Variants in PIK3CB observed in about 807,000 individuals in gnomAD.
PIK3CB encodes the protein phosphatidylinositol-4,5-bisphosphate 3-kinase catalytic subunit beta, also known as phosphatidylinositol 4,5-bisphosphate 3-kinase catalytic subunit beta isoform.
PIK3CB carries 39 observed loss-of-function variants against 136.8 expected under a neutral mutation model. The ratio of observed to expected loss-of-function variants is 0.29; its 90% CI spans 0.22 to 0.37. The LOEUF (loss-of-function observed/expected upper bound fraction) is 0.37, where lower values mean the gene tolerates loss of function less well. Among genes scored for constraint, PIK3CB ranks in the 10% least tolerant of loss-of-function variants. PIK3CB has a pLI of 1.00. For synonymous variants in PIK3CB, 428 were observed against 436.6 expected (o/e 0.98, Z 0.25); for missense variants, 868 against 1,275.4 (o/e 0.68, Z 4.87).
chr3:138,685,907 C>A (rs1430114944), intron 16 of PIK3CB, among the ~76,000 whole-genome samples: 1 of 152,090 alleles, frequency 6.6e-6, no homozygotes, highest in Non-Finnish European at 1.5e-5. Context: ...GAAACTGAGG[C>A]AAGTGGATGA....
At chr3:138,663,578 C>T (rs1030171357) in intron 21 of PIK3CB, among the ~76,000 whole-genome samples, 5 of 152,032 alleles carry the variant, frequency 3.3e-5, no homozygotes, top group African/African-American at 7.2e-5. Context: ...GACGGGGTTT[C>T]GCCATGTTGA....
chr3:138,736,139 T>C (rs564455), intron 6 of PIK3CB, among the ~76,000 whole-genome samples: 83,308 of 152,018 alleles, frequency 0.55, 23,935 homozygotes, highest in East Asian at 0.98. Context: ...ACTTGAATGA[T>C]GGCAGAACAT....
At chr3:138,751,457 CA>C (rs1215387870) in intron 4 of PIK3CB, among the ~76,000 whole-genome samples, 143 of 125,026 alleles carry the variant, frequency 1.1e-3, no homozygotes, top group African/African-American at 1.1e-3. Flanking sequence ...GACTCCATCT[CA>C]AAAAAAAAAA....
intron 19 of PIK3CB, among the ~76,000 whole-genome samples, chr3:138,670,428 T>A (rs2043510079): frequency 1.3e-5 from 2 of 152,160 alleles, no homozygotes; most frequent in African/African-American, 4.8e-5. Context: ...GTGGGATCAG[T>A]CAAGTAAAAA....
chr3:138,764,855 C>A (rs531468452), intron 2 of PIK3CB, among the ~76,000 whole-genome samples: 8 of 152,328 alleles, frequency 5.3e-5, no homozygotes, highest in African/African-American at 1.9e-4. Flanking sequence ...CGGTGTGTCT[C>A]AAGCACCCAG....
chr3:138,826,215 G>A, intron 1 of PIK3CB: 3 of 1,417,750 alleles, frequency 2.1e-6, no homozygotes, highest in Non-Finnish European at 2.9e-6. Flanking sequence ...GGGTCATTTT[G>A]CTGCTCGTGA....
At chr3:138,818,334 G>A (rs748048320) in intron 1 of PIK3CB, among the ~76,000 whole-genome samples, 1 of 152,204 alleles carries the variant, frequency 6.6e-6, no homozygotes, top group Non-Finnish European at 1.5e-5. Flanking sequence ...CTGCCTGGCA[G>A]TCAGGCAGAA....
chr3:138,682,113 GACTA>G, intron 18 of PIK3CB, 68 bp from the exon 19 acceptor site: 2 of 877,376 alleles, frequency 2.3e-6, no homozygotes, highest in African/African-American at 1.7e-5. Flanking sequence ...ATTAATTCAA[GACTA>G]ACTCAGAATT....
intron 2 of PIK3CB, among the ~76,000 whole-genome samples, chr3:138,775,649 CCCTCACTG>C (rs535381533): frequency 2.0e-5 from 3 of 152,050 alleles, no homozygotes; most frequent in East Asian, 3.9e-4. Context: ...TCATGAAACC[CCCTCACTG>C]CCTCACTGCC....
intron 6 of PIK3CB, 113 bp from the exon 7 acceptor site, chr3:138,734,917 A>C (rs1274054850): frequency 3.2e-6 from 2 of 622,192 alleles, no homozygotes; most frequent in Non-Finnish European, 5.1e-6. Flanking sequence ...TATGTCTTAA[A>C]CCACAGCAGA....
chr3:138,656,306 A>G (rs766636114), intron 22 of PIK3CB, 32 bp from the exon 23 acceptor site: 2 of 1,613,216 alleles, frequency 1.2e-6, no homozygotes, highest in Non-Finnish European at 1.7e-6. Context: ...ACATGAGCAC[A>G]GTGTTAGAGG....
At chr3:138,820,900 T>G (rs1042538877) in intron 1 of PIK3CB, among the ~76,000 whole-genome samples, 12 of 152,216 alleles carry the variant, frequency 7.9e-5, no homozygotes, top group African/African-American at 2.7e-4. Flanking sequence ...ACTTCAGGAA[T>G]TTTGCCATTA....
chr3:138,714,542 T>G lies in PIK3CB; in HGVS notation c.1228A>C (p.Lys410Gln). ...LCFAVYAVLD[K>Q]VKTKKSTKTI... is the part of the protein sequence containing the mutation. ...TTCGTTGATTTCTTCGTTTTTACTT[T>G]ATCCAAAACTGCATAAACAGCAAAA... The change falls in exon 9 of 24, where the codon AAA becomes CAA. Residue 410 changes from lysine (K) to glutamine (Q), a missense_variant. Lys to Gln is a moderately conservative substitution (Grantham distance 53). Around this residue, in one of 4 missense-constraint regions of PIK3CB, gnomAD observed 612 missense variants for 801.1 expected, o/e 0.76. Coordinates refer to ENST00000674063, the MANE Select transcript of PIK3CB (RefSeq NM_006219.3). The G allele has an allele frequency of 6.2e-7, 1 of 1,612,706 alleles. No homozygotes were observed. Among genetic ancestry groups the G allele is most frequent in the Non-Finnish European group, 8.5e-7 (1 of 1,178,756 alleles).
chr3:138,684,590 A>C (rs1167395776), intron 17 of PIK3CB, 35 bp downstream of exon 17: 7 of 1,519,132 alleles, frequency 4.6e-6, no homozygotes, highest in African/African-American at 2.8e-5. Context: ...CTTGCTATTC[A>C]TAGGAGATTC....
At chr3:138,775,437 T>A (rs1474320740) in intron 2 of PIK3CB, among the ~76,000 whole-genome samples, 1 of 152,186 alleles carries the variant, frequency 6.6e-6, no homozygotes, top group Non-Finnish European at 1.5e-5. Flanking sequence ...AGTGAGAGAC[T>A]AGCGGAGGCA....
chr3:138,812,792 G>C (rs1933130723), intron 1 of PIK3CB, among the ~76,000 whole-genome samples: 1 of 152,174 alleles, frequency 6.6e-6, no homozygotes, highest in Admixed American at 6.6e-5. Context: ...GCCTCCCAAA[G>C]TGCTGGGATT....
At chr3:138,772,783 C>CTTTTTTTT (rs776881626) in intron 2 of PIK3CB, among the ~76,000 whole-genome samples, 1 of 112,214 alleles carries the variant, frequency 8.9e-6, no homozygotes, top group Non-Finnish European at 1.8e-5. Context: ...TATTTATTCT[C>CTTTTTTTT]TTTTTTTTTT....
intron 2 of PIK3CB, among the ~76,000 whole-genome samples, chr3:138,793,995 T>A (rs1233013652): frequency 6.6e-6 from 1 of 152,168 alleles, no homozygotes; most frequent in Non-Finnish European, 1.5e-5. Context: ...GGAGTTTCGC[T>A]CTTGTTGCCC....
chr3:138,672,895 G>C (rs1351144610), intron 19 of PIK3CB, among the ~76,000 whole-genome samples: 1 of 132,420 alleles, frequency 7.6e-6, no homozygotes, highest in African/African-American at 2.8e-5. Context: ...CTGGGTGACA[G>C]AGTGAGACTC....
Sources: gnomAD v4.1 joint callset for allele counts (sites outside exome capture counted in the v4.1 genomes callset) on GRCh38, gnomAD v4.1.1 for gene constraint, gnomAD v4.1.1 regional missense constraint, MANE v1.5 for transcripts, NCBI Gene and HGNC (gene_info 2026-07-23, HGNC 2026-07-21) for gene names.